PTPRN2: variants seen among roughly 807,000 people sequenced by gnomAD.
The protein encoded by PTPRN2 is receptor-type tyrosine-protein phosphatase N2.
PTPRN2 carries 74 observed loss-of-function variants against 118.8 expected under a neutral mutation model. That is an observed-to-expected ratio of 0.62 (90% CI 0.52 to 0.76). The LOEUF is 0.76. Among genes scored for constraint, PTPRN2 ranks in the 30% least tolerant of loss-of-function variants. The pLI is 0.00. For missense variants in PTPRN2, 1,481 were observed against 1,394.4 expected, an observed-to-expected ratio of 1.06 and a Z score of -0.99; for synonymous variants, 641 against 608.0, an observed-to-expected ratio of 1.05 and a Z score of -0.80.
At chr7:158,527,815 CT>C (rs934612592) in intron 1 of PTPRN2, among the ~76,000 whole-genome samples, 72 of 152,340 alleles carry the variant, frequency 4.7e-4, no homozygotes, top group African/African-American at 1.7e-3. Context: ...CCAGGCTCCC[CT>C]GGTCTTCCTG....
chr7:158,055,198 C>T (rs1809691252), intron 11 of PTPRN2, among the ~76,000 whole-genome samples: 1 of 152,088 alleles, frequency 6.6e-6, no homozygotes, highest in South Asian at 2.1e-4. Flanking sequence ...CTAGGAAAAA[C>T]CAGGCCATAC....
intron 11 of PTPRN2, among the ~76,000 whole-genome samples, chr7:158,071,409 T>TGCTCGTGGTGGTGGAGG (rs1563391130): frequency 9.0e-5 from 1 of 11,126 alleles, no homozygotes; most frequent in Non-Finnish European, 1.7e-4. Context: ...CGTGGTGGAG[T>TGCTCGTGGTGGTGGAGG]TGCTCCTGGT....
At chr7:158,382,507 C>G (rs1029669989) in intron 2 of PTPRN2, among the ~76,000 whole-genome samples, 1 of 152,190 alleles carries the variant, frequency 6.6e-6, no homozygotes, top group Non-Finnish European at 1.5e-5. Flanking sequence ...CAGCCCCATT[C>G]TATTCTTACA....
intron 2 of PTPRN2, among the ~76,000 whole-genome samples, chr7:158,330,455 G>A (rs1343893582): frequency 9.6e-6 from 1 of 104,320 alleles, no homozygotes; most frequent in Non-Finnish European, 2.1e-5. Flanking sequence ...GACACCCGCA[G>A]ACGTCACTCA....
intron 12 of PTPRN2, 108 bp from the exon 13 acceptor site, chr7:157,683,045 C>T (rs553260083): frequency 3.6e-5 from 36 of 992,282 alleles, no homozygotes; most frequent in Non-Finnish European, 5.0e-5. Context: ...CCCCACAGGA[C>T]GCTGTGCTGG....
At chr7:158,489,604 G>T in intron 2 of PTPRN2, 131 bp downstream of exon 2, 3 of 896,540 alleles carry the variant, frequency 3.3e-6, no homozygotes, top group Non-Finnish European at 3.1e-6. Context: ...GGTTCCATCC[G>T]CCTCCTCTCG....
At chr7:157,924,318 G>A (rs1035620082) in intron 11 of PTPRN2, among the ~76,000 whole-genome samples, 9 of 152,182 alleles carry the variant, frequency 5.9e-5, no homozygotes, top group African/African-American at 2.2e-4. Flanking sequence ...AGAAAGGGCG[G>A]CCCTGGGCTC....
intron 2 of PTPRN2, among the ~76,000 whole-genome samples, chr7:158,387,533 T>G (rs1811538836): frequency 1.3e-5 from 2 of 152,300 alleles, no homozygotes; most frequent in African/African-American, 2.4e-5. Flanking sequence ...CTCTGGGTCC[T>G]GGGGGGACTG....
chr7:157,741,169 T>C (rs1800613673), intron 12 of PTPRN2, among the ~76,000 whole-genome samples: 1 of 152,222 alleles, frequency 6.6e-6, no homozygotes. Context: ...CCACCAGCCC[T>C]ATGGAAAAGA....
At chr7:158,241,428 G>A (rs977473999) in intron 3 of PTPRN2, among the ~76,000 whole-genome samples, 1 of 152,052 alleles carries the variant, frequency 6.6e-6, no homozygotes, top group South Asian at 2.1e-4. Flanking sequence ...GCAGGAGAAT[G>A]GCTTGAACCC....
In PTPRN2 at chr7:157,784,702, G is replaced by T. The variant is rs1290557596; in HGVS notation, c.1789-101765C>A. On this transcript the variant is annotated intron_variant, in intron 12 of 22. Transcript: ENST00000389418. This position sits in a 1 kb window ranked among gnomAD's most constrained non-coding sequence, Gnocchi z 4.6. ...CTGATCCCGTATGAAACGGGCAGGG[G>T]CTGAGCTGATCCCGTGGCAGTGCAA... Among the ~76,000 whole-genome samples, 1 of 151,938 alleles carries T rather than the reference G, an allele frequency of 6.6e-6. No individual in the cohort carries two copies. The highest frequency in any genetic ancestry group is 1.9e-4 in the East Asian group (1 of 5,166).
At chr7:157,726,474 C>T (rs1003521453) in intron 12 of PTPRN2, among the ~76,000 whole-genome samples, 1 of 152,220 alleles carries the variant, frequency 6.6e-6, no homozygotes, top group African/African-American at 2.4e-5. Flanking sequence ...CCCGAGCGTG[C>T]GCTGACTCAC....
At chr7:158,280,591 G>A (rs1799355477) in intron 3 of PTPRN2, among the ~76,000 whole-genome samples, 2 of 152,234 alleles carry the variant, frequency 1.3e-5, no homozygotes, top group African/African-American at 4.8e-5. Flanking sequence ...CAGATGGAGA[G>A]AGAACCAGGA....
intron 3 of PTPRN2, among the ~76,000 whole-genome samples, chr7:158,246,816 A>T (rs1796283639): frequency 6.6e-6 from 1 of 152,040 alleles, no homozygotes; most frequent in Non-Finnish European, 1.5e-5. Flanking sequence ...ATCCGTGGTC[A>T]TGCCGGAATC....
intron 2 of PTPRN2, among the ~76,000 whole-genome samples, chr7:158,394,165 A>C: frequency 8.7e-6 from 1 of 114,402 alleles, no homozygotes; most frequent in Non-Finnish European, 1.8e-5. Context: ...CCCGACGGAC[A>C]CCTGGACCCC....
In PTPRN2 at chr7:158,262,600, T is replaced by G. The variant is rs1171818720; in HGVS notation, c.277+54219A>C. ...ACACAGCACACACATTCACACACAT[T>G]CACACACACTGCACACACACATACA... is the stretch of plus-strand genomic sequence containing the variant. On this transcript the variant is annotated intron_variant, in intron 3 of 22. Coordinates refer to ENST00000389418, the MANE Select transcript of PTPRN2 (RefSeq NM_002847.5). Among the ~76,000 whole-genome samples, 42 of 119,056 alleles carry G rather than the reference T, an allele frequency of 3.5e-4. No individual in the cohort carries two copies. In the East Asian group the frequency reaches 9.4e-3, roughly 27 times the overall value. The allele number at this position is 119,056 out of a possible 152,430, so 78.1% of individuals were successfully genotyped here.
chr7:157,549,304 TTTTCTTTTC>T (rs1798475916), intron 21 of PTPRN2, among the ~76,000 whole-genome samples: 1 of 146,112 alleles, frequency 6.8e-6, no homozygotes, highest in Non-Finnish European at 1.5e-5. Flanking sequence ...GCTGTACTGG[TTTTCTTTTC>T]TTTCTTTTCT....
intron 12 of PTPRN2, among the ~76,000 whole-genome samples, chr7:157,745,362 G>A (rs571211617): frequency 6.6e-5 from 10 of 152,152 alleles, no homozygotes; most frequent in African/African-American, 1.7e-4. Flanking sequence ...CCAGACGAAC[G>A]CAAGGCTGAG....
In PTPRN2 at chr7:158,570,186, G is replaced by A. The variant is rs1012125915; in HGVS notation, c.112+17372C>T. ...CGACCTGGGCAGCCAGGCGGGGAGC[G>A]CGCAGCCACAGCCCGCGTTTCCGGG... On this transcript the variant is annotated intron_variant, in intron 1 of 22. Transcript: ENST00000389418. This position sits in a 1 kb window ranked among gnomAD's most constrained non-coding sequence, Gnocchi z 4.5. Among the ~76,000 whole-genome samples, 1 of 152,120 alleles carries A rather than the reference G, an allele frequency of 6.6e-6. No homozygotes were observed. The highest frequency in any genetic ancestry group is 2.4e-5 in the African/African-American group (1 of 41,418).
Sources: allele counts gnomAD v4.1 joint callset (sites outside exome capture counted in the v4.1 genomes callset), GRCh38; gene constraint gnomAD v4.1.1; non-coding constraint Gnocchi (gnomAD v3.1); transcripts MANE v1.5; gene names NCBI Gene and HGNC (gene_info 2026-07-23, HGNC 2026-07-21).